The following MARCHF3 variants were observed in gnomAD, a reference collection of about 807,000 sequenced individuals.
MARCHF3 encodes the protein E3 ubiquitin-protein ligase MARCHF3.
A neutral mutation model predicts 24.2 loss-of-function variants in MARCHF3; 13 were observed. The observed-to-expected ratio is 0.54, with a 90% CI of 0.35 to 0.85. MARCHF3 has a LOEUF of 0.85. Among genes scored for constraint, MARCHF3 ranks in the 40% least tolerant of loss-of-function variants. The probability of loss-of-function intolerance (pLI) is 0.01; values close to 1 mark genes in which losing one functional copy is unlikely to be tolerated. For synonymous variants in MARCHF3, 144 were observed against 137.3 expected (o/e 1.05, Z -0.34); for missense variants, 276 against 325.0 (o/e 0.85, Z 1.16).
rs546658933 is a variant in MARCHF3 at position 126,951,830 on chromosome 5, C to G, written c.-56-33603G>C. Among the ~76,000 whole-genome samples, 8 of 151,858 alleles carry G rather than the reference C, an allele frequency of 5.3e-5. No individual in the cohort carries two copies. In the South Asian group the frequency reaches 1.2e-3, roughly 24 times the overall value. Reference sequence around the variant, plus strand: ...TCTTTGGACATTTTTCTCCATTGTTCAGTGTTTCCTCTGTAGGTGTTTATT... The same window carrying G: ...TCTTTGGACATTTTTCTCCATTGTTGAGTGTTTCCTCTGTAGGTGTTTATT... On this transcript the variant is annotated intron_variant, in intron 1 of 4. Coordinates refer to ENST00000308660, the MANE Select transcript of MARCHF3 (RefSeq NM_178450.5).
At chr5:126,989,466 A>G (rs1751677477) in intron 1 of MARCHF3, among the ~76,000 whole-genome samples, 1 of 152,160 alleles carries the variant, frequency 6.6e-6, no homozygotes, top group Non-Finnish European at 1.5e-5. Context: ...GTTTTTTTAA[A>G]GAAGAAAATT....
At chr5:126,925,603 C>T (rs1749267217) in intron 1 of MARCHF3, among the ~76,000 whole-genome samples, 1 of 152,166 alleles carries the variant, frequency 6.6e-6, no homozygotes, top group South Asian at 2.1e-4. Flanking sequence ...AAAAATCCCA[C>T]AACAATGCTA....
chr5:126,999,972 T>A (rs1752073888), intron 1 of MARCHF3, among the ~76,000 whole-genome samples: 1 of 150,296 alleles, frequency 6.7e-6, no homozygotes, highest in Admixed American at 6.6e-5. Flanking sequence ...TTATTAATAT[T>A]AGAATATATA....
intron 1 of MARCHF3, among the ~76,000 whole-genome samples, chr5:126,974,984 G>T (rs1751145659): frequency 6.6e-6 from 1 of 152,144 alleles, no homozygotes; most frequent in South Asian, 2.1e-4. Context: ...TTGAGATGGA[G>T]TCTCGCTCTG....
At chr5:126,902,922 C>A (rs1427659284) in intron 3 of MARCHF3, among the ~76,000 whole-genome samples, 1 of 152,040 alleles carries the variant, frequency 6.6e-6, no homozygotes, top group African/African-American at 2.4e-5. Context: ...TGCTCAGCGA[C>A]CTTGTCAGAG....
At chr5:126,975,323 G>GA (rs1237402091) in intron 1 of MARCHF3, among the ~76,000 whole-genome samples, 1 of 152,036 alleles carries the variant, frequency 6.6e-6, no homozygotes, top group Non-Finnish European at 1.5e-5. Flanking sequence ...ATATATAGTT[G>GA]AAAAAAATTT....
intron 1 of MARCHF3, among the ~76,000 whole-genome samples, chr5:126,930,180 A>T (rs917100145): frequency 6.6e-6 from 1 of 152,216 alleles, no homozygotes; most frequent in Non-Finnish European, 1.5e-5. Flanking sequence ...AAAGGGACAC[A>T]AAGCAAGTCA....
At chr5:126,961,117 A>G (rs1384125862) in intron 1 of MARCHF3, among the ~76,000 whole-genome samples, 1 of 152,162 alleles carries the variant, frequency 6.6e-6, no homozygotes, top group Non-Finnish European at 1.5e-5. Flanking sequence ...GACTTCATGT[A>G]TTCAATGGCA....
intron 1 of MARCHF3, among the ~76,000 whole-genome samples, chr5:127,027,793 G>C (rs1416265073): frequency 6.6e-6 from 1 of 152,224 alleles, no homozygotes; most frequent in Non-Finnish European, 1.5e-5. Context: ...TCAACTCACA[G>C]ACTATAACTG....
At chr5:126,922,183 C>G (rs1356079435) in intron 1 of MARCHF3, among the ~76,000 whole-genome samples, 1 of 152,204 alleles carries the variant, frequency 6.6e-6, no homozygotes, top group Non-Finnish European at 1.5e-5. Flanking sequence ...GCCTCAGCAG[C>G]CCCCAAACCT....
chr5:126,990,872 G>A (rs971304974), intron 1 of MARCHF3, among the ~76,000 whole-genome samples: 1 of 152,180 alleles, frequency 6.6e-6, no homozygotes, highest in Non-Finnish European at 1.5e-5. Context: ...CAATTAGAAT[G>A]GTGATCATTA....
chr5:127,000,414 A>T (rs1372475509), intron 1 of MARCHF3, among the ~76,000 whole-genome samples: 1 of 152,234 alleles, frequency 6.6e-6, no homozygotes, highest in Non-Finnish European at 1.5e-5. Context: ...AGATGGCAGC[A>T]GAGCCAAGGG....
Position 126,949,424 on chromosome 5 carries a change from C to T in MARCHF3, c.-56-31197G>A, listed in dbSNP as rs547308470. ...TCTTCTAGGGCAAAGTGACAGATCA[C>T]ATTCCATACAGCAAGAGGCCTCAAA... On this transcript the variant is annotated intron_variant, in intron 1 of 4. Transcript: ENST00000308660. Among the ~76,000 whole-genome samples the T allele has an allele frequency of 6.6e-5, 10 of 152,344 alleles. No individual in the cohort carries two copies. The South Asian group carries it at 2.1e-3, about 32-fold the overall frequency.
chr5:126,950,845 C>A (rs765366582), intron 1 of MARCHF3, among the ~76,000 whole-genome samples: 2 of 152,200 alleles, frequency 1.3e-5, no homozygotes, highest in Non-Finnish European at 2.9e-5. Flanking sequence ...ATTTTTGTCT[C>A]CTATTACCTT....
chr5:126,972,245 T>TA lies in MARCHF3; in HGVS notation c.-56-54019dup, dbSNP rs747060453. Reference sequence around the variant, plus strand: ...GTTTGACTGCTTAAAATTAAAGAACTAAAAAAAAAAAAAAAAAAAAATTCC... The same window carrying TA: ...GTTTGACTGCTTAAAATTAAAGAACTAAAAAAAAAAAAAAAAAAAAAATTCC... On this transcript the variant is annotated intron_variant, in intron 1 of 4. Transcript: ENST00000308660. 6.8e-3 allele frequency among the ~76,000 whole-genome samples: 400 copies of TA among 58,696 alleles called. 2 individuals are homozygous for TA. The highest frequency in any genetic ancestry group is 0.026 in the South Asian group (45 of 1,748). 38.5% of individuals were successfully genotyped at this position (58,696 alleles called of 152,430 possible).
chr5:126,895,567 T>G (rs999034126), intron 3 of MARCHF3, among the ~76,000 whole-genome samples: 13 of 152,124 alleles, frequency 8.5e-5, no homozygotes, highest in African/African-American at 2.4e-4. Flanking sequence ...TGGAATACCC[T>G]GCAGTGTGAG....
chr5:126,922,492 G>T (rs2126798247), intron 1 of MARCHF3, among the ~76,000 whole-genome samples: 1 of 149,704 alleles, frequency 6.7e-6, no homozygotes, highest in East Asian at 2.0e-4. Context: ...TTCTAGCCTG[G>T]GCTACATCTC....
intron 1 of MARCHF3, among the ~76,000 whole-genome samples, chr5:126,947,308 C>A (rs1168529722): frequency 6.6e-6 from 1 of 152,248 alleles, no homozygotes; most frequent in Non-Finnish European, 1.5e-5. Flanking sequence ...GGCTCCTTCA[C>A]TTTCCCCCTT....
chr5:126,943,405 C>T (rs1016170453), intron 1 of MARCHF3, among the ~76,000 whole-genome samples: 18 of 151,926 alleles, frequency 1.2e-4, no homozygotes, highest in African/African-American at 4.1e-4. Context: ...TACGGAGATC[C>T]CGTCTATACA....
Sources: gnomAD v4.1 joint callset for allele counts (sites outside exome capture counted in the v4.1 genomes callset) on GRCh38, gnomAD v4.1.1 for gene constraint, MANE v1.5 for transcripts, NCBI Gene and HGNC (gene_info 2026-07-23, HGNC 2026-07-21) for gene names.